The following RBBP5 variants were observed in gnomAD, a reference collection of about 807,000 sequenced individuals.
The protein encoded by RBBP5 is RB binding protein 5, histone lysine methyltransferase complex subunit.
In RBBP5, 5 loss-of-function variants were observed where a neutral mutation model predicts 72.2. That is an observed-to-expected ratio of 0.07 (90% CI 0.04 to 0.15). RBBP5 has a LOEUF of 0.15. Among genes scored for constraint, RBBP5 ranks in the 10% least tolerant of loss-of-function variants. RBBP5 has a pLI of 1.00. For synonymous variants in RBBP5, 209 were observed against 237.2 expected (o/e 0.88, Z 1.09); for missense variants, 322 against 652.2 (o/e 0.49, Z 5.51).
In RBBP5 at chr1:205,099,149, A is replaced by G. The variant is rs761704078; in HGVS notation, c.979-43T>C. On this transcript the variant is annotated intron_variant, in intron 9 of 13. Transcript: ENST00000264515. The surrounding 1 kb of genome is among the most constrained non-coding windows in gnomAD (Gnocchi z 4.7). ...CTACTTAACCATATGTGAAAGCAAT[A>G]ATCTGTAATCTACACATTAATGATA... 2 of 1,102,498 alleles carry G rather than the reference A, an allele frequency of 1.8e-6. No homozygotes were observed. Among genetic ancestry groups the G allele is most frequent in the East Asian group, 2.6e-5 (1 of 38,094 alleles). The allele number at this position is 1,102,498 out of a possible 1,614,324, so 68.3% of individuals were successfully genotyped here. A position where few individuals can be genotyped will look rare whatever the true frequency, so the allele number is the denominator to read the frequency against.
chr1:205,095,130 T>G, intron 12 of RBBP5, 66 bp from the exon 13 acceptor site: 1 of 1,458,590 alleles, frequency 6.9e-7, no homozygotes, highest in Non-Finnish European at 9.5e-7. Context: ...AACCACAACT[T>G]TGTTGAGCAA....
rs1268811818 is a variant in RBBP5, at chr1:205,095,030, G to T, written c.1431C>A (p.Gly477=). ...VHPLLGVKGD[G]KSKKKQAGRP... Reference sequence around the variant, plus strand: ...GGCCTGCTTGCTTCTTCTTGGATTTGCCATCCCCCTTCACACCCAGTAGTG... The same window carrying T: ...GGCCTGCTTGCTTCTTCTTGGATTTTCCATCCCCCTTCACACCCAGTAGTG... The change falls in exon 13 of 14, where the codon GGC becomes GGA. Residue 477 remains glycine (G), a synonymous_variant. Coordinates refer to ENST00000264515, the MANE Select transcript of RBBP5 (RefSeq NM_005057.4). The T allele has an allele frequency of 6.2e-6, 10 of 1,613,902 alleles. 1 individual carries two copies. The South Asian group carries it at 1.1e-4, about 18-fold the overall frequency.
rs1655204352 is a variant in RBBP5 at position 205,088,205 on chromosome 1, G to A, written c.*582C>T. 6.6e-6 allele frequency: 1 copy of A among 152,276 alleles called. No homozygotes were observed. The highest frequency in any genetic ancestry group is 1.5e-5 in the Non-Finnish European group (1 of 68,078). 9.4% of individuals were successfully genotyped at this position (152,276 alleles called of 1,614,324 possible). A position where few individuals can be genotyped will look rare whatever the true frequency, so the allele number is the denominator to read the frequency against. On this transcript the variant is annotated 3_prime_UTR_variant, in exon 14 of 14. Transcript: ENST00000264515. ...CAAAACGTGGTATGAGAGGAAGAGA[G>A]GGCCTTCGTTGTTCCCTTTCTGAAA...
At chr1:205,110,041 G>C (rs1011635055) in intron 3 of RBBP5, among the ~76,000 whole-genome samples, 1 of 148,800 alleles carries the variant, frequency 6.7e-6, no homozygotes, top group African/African-American at 2.5e-5. Context: ...TGTTTTTTGG[G>C]TTTTTTTTTT....
At chr1:205,093,014 C>T (rs921847402) in intron 13 of RBBP5, among the ~76,000 whole-genome samples, 4 of 152,112 alleles carry the variant, frequency 2.6e-5, no homozygotes, top group African/African-American at 7.2e-5. Context: ...CTCTCCAGGC[C>T]AGGGAAATCT....
At chr1:205,100,457 G>A (rs1005107898) in intron 6 of RBBP5, among the ~76,000 whole-genome samples, 186 bp from the exon 7 acceptor site, 1 of 152,160 alleles carries the variant, frequency 6.6e-6, no homozygotes, top group African/African-American at 2.4e-5. Context: ...TATACTTCCT[G>A]TGTATCCCTG....
intron 6 of RBBP5, among the ~76,000 whole-genome samples, chr1:205,101,091 G>C (rs1255163175): frequency 6.6e-5 from 10 of 152,166 alleles, no homozygotes; most frequent in Non-Finnish European, 1.5e-4. Flanking sequence ...TGTGGCCTGG[G>C]GGTTGGGGAC....
chr1:205,115,906 T>G (rs1238125928), intron 1 of RBBP5, 23 bp from the exon 2 acceptor site: 5 of 1,613,472 alleles, frequency 3.1e-6, no homozygotes, highest in Admixed American at 3.3e-5. Flanking sequence ...AAAGAAAGAG[T>G]TGATGGCACA....
In RBBP5 at chr1:205,121,941, A is replaced by G; in HGVS notation, c.-68T>C. ...ACCTTCTCCCCGGCCGGCTTCAGCA[A>G]CTTGCGTCTAAGTGGTGGACGCCGC... On this transcript the variant is annotated 5_prime_UTR_variant, in exon 1 of 14. Transcript: ENST00000264515. The G allele has an allele frequency of 6.2e-7, 1 of 1,601,816 alleles. No homozygotes were observed.
At chr1:205,090,456 T>C (rs931576995) in intron 13 of RBBP5, among the ~76,000 whole-genome samples, 4 of 152,064 alleles carry the variant, frequency 2.6e-5, no homozygotes, top group Non-Finnish European at 2.9e-5. Context: ...ATAGACAAAA[T>C]AAATAAATAA....
chr1:205,105,396 A>G (rs564868732), intron 3 of RBBP5, among the ~76,000 whole-genome samples: 140 of 152,352 alleles, frequency 9.2e-4, no homozygotes, highest in Non-Finnish European at 1.4e-3. Flanking sequence ...ATTTCAAGAT[A>G]AAACTATAAA....
At chr1:205,115,728 T>C (rs997316202) in intron 2 of RBBP5, 130 bp downstream of exon 2, 3 of 1,190,012 alleles carry the variant, frequency 2.5e-6, no homozygotes, top group Non-Finnish European at 3.3e-6. Context: ...CTCCTTATTA[T>C]AGCATAAGAT....
chr1:205,099,227 C>G lies in RBBP5; in HGVS notation c.979-121G>C, dbSNP rs1313287790. The G allele has an allele frequency of 1.6e-6, 1 of 611,872 alleles. No homozygotes were observed. Among genetic ancestry groups the G allele is most frequent in the Non-Finnish European group, 2.6e-6 (1 of 389,778 alleles). The allele number at this position is 611,872 out of a possible 1,614,324, so 37.9% of individuals were successfully genotyped here. ...TTCACAATTCTTAGATTAAATTTGG[C>G]AGACAAGAAAAAAATGGGTATCTGT... On this transcript the variant is annotated intron_variant, in intron 9 of 13. Transcript: ENST00000264515. The surrounding 1 kb of genome is among the most constrained non-coding windows in gnomAD (Gnocchi z 4.7).
intron 1 of RBBP5, chr1:205,116,104 G>A (rs888867757): frequency 2.4e-6 from 2 of 838,400 alleles, no homozygotes; most frequent in Admixed American, 5.9e-5. Flanking sequence ...GAGACTATAT[G>A]ACCTGGGATA....
chr1:205,103,804 A>G, intron 5 of RBBP5, 53 bp downstream of exon 5: 6 of 1,566,508 alleles, frequency 3.8e-6, no homozygotes, highest in Non-Finnish European at 4.4e-6. Context: ...AAACAAGTAA[A>G]CATTAAATGA....
At chr1:205,098,179 C>T (rs1052219023) in intron 10 of RBBP5, among the ~76,000 whole-genome samples, 3 of 152,142 alleles carry the variant, frequency 2.0e-5, no homozygotes, top group African/African-American at 7.2e-5. Context: ...CACTTACTCC[C>T]CACAACCCTA....
intron 1 of RBBP5, 124 bp from the exon 2 acceptor site, chr1:205,116,007 T>G: frequency 6.3e-7 from 1 of 1,597,290 alleles, no homozygotes; most frequent in Non-Finnish European, 8.5e-7. Flanking sequence ...CTTTCAGGCA[T>G]TCCATGAGGC....
At chr1:205,089,703 A>G (rs868047991) in intron 13 of RBBP5, among the ~76,000 whole-genome samples, 1 of 152,256 alleles carries the variant, frequency 6.6e-6, no homozygotes, top group African/African-American at 2.4e-5. Context: ...AATGAGATAC[A>G]AACTTTCTAC....
chr1:205,116,760 G>A (rs149331701), intron 1 of RBBP5, among the ~76,000 whole-genome samples: 16 of 152,300 alleles, frequency 1.1e-4, no homozygotes, highest in African/African-American at 3.1e-4. Context: ...GTTGCAGTGA[G>A]CTGAGATCGT....
Sources: allele counts gnomAD v4.1 joint callset (sites outside exome capture counted in the v4.1 genomes callset), GRCh38; gene constraint gnomAD v4.1.1; non-coding constraint Gnocchi (gnomAD v3.1); transcripts MANE v1.5; gene names NCBI Gene and HGNC (gene_info 2026-07-23, HGNC 2026-07-21).